The following LRRC4C variants were observed in gnomAD, a reference collection of about 807,000 sequenced individuals.
LRRC4C encodes the protein leucine-rich repeat-containing protein 4C.
In LRRC4C, 5 loss-of-function variants were observed where a neutral mutation model predicts 33.6. The observed-to-expected ratio is 0.15, with a 90% CI of 0.08 to 0.31. The LOEUF (loss-of-function observed/expected upper bound fraction) is 0.31. Ranked by LOEUF, LRRC4C falls within the 10% of genes least tolerant of loss-of-function variation. The probability of loss-of-function intolerance (pLI) is 1.00; values close to 1 mark genes in which losing one functional copy is unlikely to be tolerated. For synonymous variants in LRRC4C, 329 were observed against 302.0 expected (o/e 1.09, Z -0.93); for missense variants, 560 against 796.7 (o/e 0.70, Z 3.58).
chr11:41,010,220 G>C (rs1692551613), intron 1 of LRRC4C, among the ~76,000 whole-genome samples: 1 of 152,112 alleles, frequency 6.6e-6, no homozygotes, highest in Non-Finnish European at 1.5e-5. Context: ...TTGGTACTTT[G>C]TTATAGCAGC....
chr11:40,970,142 C>T (rs139473796), intron 1 of LRRC4C, among the ~76,000 whole-genome samples: 8 of 152,282 alleles, frequency 5.3e-5, no homozygotes, highest in African/African-American at 1.9e-4. Flanking sequence ...TCAAAATCAG[C>T]AGAGCCTTCT....
At chr11:40,893,460 T>C (rs932617485) in intron 2 of LRRC4C, among the ~76,000 whole-genome samples, 1 of 152,034 alleles carries the variant, frequency 6.6e-6, no homozygotes, top group Non-Finnish European at 1.5e-5. Flanking sequence ...TGTTACACAT[T>C]TCAAGCATGT....
At chr11:40,695,944 A>T (rs1454378105) in intron 2 of LRRC4C, among the ~76,000 whole-genome samples, 2 of 151,894 alleles carry the variant, frequency 1.3e-5, no homozygotes, top group African/African-American at 4.8e-5. Context: ...TGGGAAGTAG[A>T]CATCTCTAGG....
At chr11:40,318,898 C>A (rs1156629459) in intron 4 of LRRC4C, among the ~76,000 whole-genome samples, 1 of 152,134 alleles carries the variant, frequency 6.6e-6, no homozygotes, top group Non-Finnish European at 1.5e-5. Context: ...AAATACCTGA[C>A]TTCTAATAGG....
Position 41,001,953 on chromosome 11 carries a change from G to A in LRRC4C, c.-495-68230C>T, listed in dbSNP as rs575074446. ...TAAATTGTCCTTTACTAAACATGTG[G>A]TTACATTAAACGAGGGAGTCAGGCA... On this transcript the variant is annotated intron_variant, in intron 1 of 6. Coordinates refer to ENST00000528697, the MANE Select transcript of LRRC4C (RefSeq NM_001258419.2). 2.0e-5 allele frequency among the ~76,000 whole-genome samples: 3 copies of A among 151,900 alleles called. No homozygotes were observed. The East Asian group carries it at 5.8e-4, about 30-fold the overall frequency.
intron 3 of LRRC4C, among the ~76,000 whole-genome samples, chr11:40,325,905 T>G (rs1264561734): frequency 6.6e-6 from 1 of 152,068 alleles, no homozygotes; most frequent in African/African-American, 2.4e-5. Context: ...TAAGACCATT[T>G]AAGAATCTAG....
intron 3 of LRRC4C, among the ~76,000 whole-genome samples, chr11:40,439,550 C>T (rs1445685729): frequency 1.3e-5 from 2 of 151,156 alleles, no homozygotes; most frequent in Non-Finnish European, 2.9e-5. Context: ...ACCTCCCAGG[C>T]TCAAGCAATT....
chr11:40,805,193 A>G (rs1951192311), intron 2 of LRRC4C, among the ~76,000 whole-genome samples: 1 of 152,200 alleles, frequency 6.6e-6, no homozygotes, highest in Non-Finnish European at 1.5e-5. Flanking sequence ...CTTGAGAAAA[A>G]GGATGTTTGC....
chr11:40,132,543 T>C (rs533110929), intron 6 of LRRC4C, among the ~76,000 whole-genome samples: 1 of 152,342 alleles, frequency 6.6e-6, no homozygotes, highest in South Asian at 2.1e-4. Flanking sequence ...CATTTTGCTA[T>C]AGTTTATTCC....
At chr11:41,042,059 A>G (rs1294305322) in intron 1 of LRRC4C, among the ~76,000 whole-genome samples, 1 of 152,206 alleles carries the variant, frequency 6.6e-6, no homozygotes, top group Non-Finnish European at 1.5e-5. Context: ...AAGAGCTTTA[A>G]TCTCTTTCCA....
intron 1 of LRRC4C, among the ~76,000 whole-genome samples, chr11:41,092,774 C>G (rs1191593980): frequency 1.3e-5 from 2 of 152,194 alleles, no homozygotes; most frequent in Non-Finnish European, 1.5e-5. Flanking sequence ...GACTGAGCAT[C>G]CAGACTTGCA....
chr11:41,307,221 C>A (rs1950529911), intron 1 of LRRC4C, among the ~76,000 whole-genome samples: 1 of 151,856 alleles, frequency 6.6e-6, no homozygotes, highest in Admixed American at 6.6e-5. Context: ...ATGCAAGCAC[C>A]AGTGATAGTT....
chr11:41,186,292 G>C (rs1274999115), intron 1 of LRRC4C, among the ~76,000 whole-genome samples: 1 of 152,188 alleles, frequency 6.6e-6, no homozygotes, highest in African/African-American at 2.4e-5. Context: ...CAGTAGAGAA[G>C]TGGTTAAGTA....
At chr11:40,230,802 G>T (rs1031401226) in intron 5 of LRRC4C, among the ~76,000 whole-genome samples, 1 of 152,156 alleles carries the variant, frequency 6.6e-6, no homozygotes, top group Non-Finnish European at 1.5e-5. Flanking sequence ...TGCTTAGAAA[G>T]AAATGCTCCT....
In LRRC4C at chr11:40,452,911, C is replaced by G. The variant is rs192240642; in HGVS notation, c.-269-133190G>C. ...ATGGATGAAGCTGGAATCCATCATT[C>G]TCAGCAAACTATCGCAAGGATAAGA... On this transcript the variant is annotated intron_variant, in intron 3 of 6. Coordinates refer to ENST00000528697, the MANE Select transcript of LRRC4C (RefSeq NM_001258419.2). 4.4e-3 allele frequency among the ~76,000 whole-genome samples: 664 copies of G among 152,112 alleles called. 5 individuals carry two copies. The highest frequency in any genetic ancestry group is 0.017 in the Admixed American group (266 of 15,252).
chr11:40,307,750 A>G (rs1248495237), intron 4 of LRRC4C, among the ~76,000 whole-genome samples: 1 of 152,216 alleles, frequency 6.6e-6, no homozygotes, highest in Non-Finnish European at 1.5e-5. Flanking sequence ...TTTATTTAGG[A>G]CACAAACGAA....
intron 1 of LRRC4C, among the ~76,000 whole-genome samples, chr11:41,445,897 T>TGTGTGTGTGTGTGTG (rs1299654558): frequency 1.3e-5 from 2 of 151,840 alleles, no homozygotes; most frequent in East Asian, 1.9e-4. Flanking sequence ...TGTGTACGTG[T>TGTGTGTGTGTGTGTG]TATGTAAAAC....
chr11:40,487,009 C>A (rs999077934), intron 3 of LRRC4C, among the ~76,000 whole-genome samples: 4 of 151,856 alleles, frequency 2.6e-5, no homozygotes, highest in Non-Finnish European at 4.4e-5. Flanking sequence ...ATAGGGGAAG[C>A]CGATAGGGTT....
At chr11:40,614,392 T>A (rs1961545714) in intron 3 of LRRC4C, among the ~76,000 whole-genome samples, 1 of 142,308 alleles carries the variant, frequency 7.0e-6, no homozygotes, top group Admixed American at 7.2e-5. Context: ...ACTTTTCTCC[T>A]GATGCTTCCT....
Sources: allele counts gnomAD v4.1 joint callset (sites outside exome capture counted in the v4.1 genomes callset), GRCh38; gene constraint gnomAD v4.1.1; transcripts MANE v1.5; gene names NCBI Gene and HGNC (gene_info 2026-07-23, HGNC 2026-07-21).